The following WSCD1 variants were observed in gnomAD, a reference collection of about 807,000 sequenced individuals.
WSCD1 encodes sialate:O-sulfotransferase 1.
Under a neutral mutation model 60.4 loss-of-function variants are expected in WSCD1, and 41 were observed. The ratio of observed to expected loss-of-function variants is 0.68; its 90% CI spans 0.53 to 0.88. The LOEUF (loss-of-function observed/expected upper bound fraction) is 0.88. Ranked by LOEUF, WSCD1 falls within the 40% of genes least tolerant of loss-of-function variation. WSCD1 has a pLI of 0.00. For missense variants in WSCD1, 784 were observed against 796.2 expected (o/e 0.98, Z 0.18); for synonymous variants, 361 against 332.5 (o/e 1.09, Z -0.93).
At chr17:6,069,425 GT>G (rs1908385314), upstream of WSCD1, 93 of 232,460 alleles carry the variant, frequency 4.0e-4, no homozygotes, top group African/African-American at 3.2e-3. Flanking sequence ...GTGTGTGTGT[GT>G]GTGAGAGAGA....
chr17:6,116,991 C>G (rs1639957407), intron 7 of WSCD1, among the ~76,000 whole-genome samples: 1 of 152,218 alleles, frequency 6.6e-6, no homozygotes, highest in South Asian at 2.1e-4. Context: ...GATCCCTGCT[C>G]TTTGTTTCCA....
intron 5 of WSCD1, among the ~76,000 whole-genome samples, chr17:6,107,441 C>T (rs1013277098): frequency 1.3e-5 from 2 of 151,918 alleles, no homozygotes; most frequent in Non-Finnish European, 2.9e-5. Flanking sequence ...GCAGAGGTTG[C>T]AGTGAGCCAA....
At chr17:6,085,214 A>G (rs1909554850) in intron 2 of WSCD1, among the ~76,000 whole-genome samples, 1 of 152,210 alleles carries the variant, frequency 6.6e-6, no homozygotes, top group African/African-American at 2.4e-5. Context: ...TATTGTATAG[A>G]CATACATCTG....
At position 6,121,012 on chromosome 17, in the gene WSCD1, C is replaced by T. The variant is rs1268997633; in HGVS notation, c.*351C>T. The T allele has an allele frequency of 1.1e-5, 3 of 272,580 alleles. No homozygotes were observed. The highest frequency in any genetic ancestry group is 1.1e-3 in the Middle Eastern group (1 of 894). 16.9% of individuals were successfully genotyped at this position (272,580 alleles called of 1,614,324 possible). A position where few individuals can be genotyped will look rare whatever the true frequency, so the allele number is the denominator to read the frequency against. On this transcript the variant is annotated 3_prime_UTR_variant, in exon 9 of 9. Coordinates refer to ENST00000317744, the MANE Select transcript of WSCD1 (RefSeq NM_015253.2). Reference sequence around the variant, plus strand: ...CAGACGTAACACACAGGTGCCAGGCCGTGTGCTCCTGGAGGCTGGCTGGCT... The same window carrying T: ...CAGACGTAACACACAGGTGCCAGGCTGTGTGCTCCTGGAGGCTGGCTGGCT...
Position 6,103,877 on chromosome 17 carries a change from T to C in WSCD1, c.850-5730T>C, listed in dbSNP as rs139179563. Among the ~76,000 whole-genome samples the C allele has an allele frequency of 4.1e-3, 617 of 152,282 alleles. 6 individuals are homozygous for C. Among genetic ancestry groups the C allele is most frequent in the African/African-American group, 0.014 (593 of 41,564 alleles). The stretch of plus-strand genomic sequence containing the variant: ...TATTTCAATCCCCAGATCCACCATA[T>C]GGATGGAGGAACCAAGACTCAATTC... On this transcript the variant is annotated intron_variant, in intron 5 of 8. Transcript: ENST00000317744.
At position 6,120,721 on chromosome 17, in the gene WSCD1, T is replaced by C. The variant is rs1597373629; in HGVS notation, c.*60T>C. 1 of 1,524,906 alleles carries C rather than the reference T, an allele frequency of 6.6e-7. No individual in the cohort carries two copies. The highest frequency in any genetic ancestry group is 8.9e-7 in the Non-Finnish European group (1 of 1,127,170). The allele number at this position is 1,524,906 out of a possible 1,614,324, so 94.5% of individuals were successfully genotyped here. A position where few individuals can be genotyped will look rare whatever the true frequency, so the allele number is the denominator to read the frequency against. Reference sequence around the variant, plus strand: ...ACGCAATCGCACCACGGGGCTGCGCTCCCCACTCTGATGCTCAGGCCCGTG... The same window carrying C: ...ACGCAATCGCACCACGGGGCTGCGCCCCCCACTCTGATGCTCAGGCCCGTG... On this transcript the variant is annotated 3_prime_UTR_variant, in exon 9 of 9. Transcript: ENST00000317744.
Position 6,110,999 on chromosome 17 carries a change from G to T in WSCD1, c.1174+64G>T. 6.5e-7 allele frequency: 1 copy of T among 1,536,552 alleles called. No homozygotes were observed. Among genetic ancestry groups the T allele is most frequent in the Non-Finnish European group, 8.8e-7 (1 of 1,137,134 alleles). The stretch of plus-strand genomic sequence containing the variant: ...CGGTGACCAAACTGTCACCTTGCCA[G>T]CCAAGCTTCTCAGAGCACTAGAGCA... On this transcript the variant is annotated intron_variant, in intron 7 of 8. Transcript: ENST00000317744. The surrounding 1 kb of genome is among the most constrained non-coding windows in gnomAD (Gnocchi z 4.8).
At position 6,124,015 on chromosome 17, in the gene WSCD1, A is replaced by G. The variant is rs1458503626; in HGVS notation, c.*3354A>G. Reference sequence around the variant, plus strand: ...CCCCCATTTCTGTTTGGGAATTCATATGATCTGCCAGAGCCTCTCCAGGGG... The same window carrying G: ...CCCCCATTTCTGTTTGGGAATTCATGTGATCTGCCAGAGCCTCTCCAGGGG... On this transcript the variant is annotated 3_prime_UTR_variant, in exon 9 of 9. Transcript: ENST00000317744. 6.6e-6 allele frequency: 1 copy of G among 152,170 alleles called. No individual in the cohort carries two copies. Among genetic ancestry groups the G allele is most frequent in the African/African-American group, 2.4e-5 (1 of 41,426 alleles). 9.4% of individuals were successfully genotyped at this position (152,170 alleles called of 1,614,324 possible).
chr17:6,121,003 G>T lies in WSCD1; in HGVS notation c.*342G>T. 3.4e-6 allele frequency: 1 copy of T among 290,956 alleles called. No individual in the cohort carries two copies. Among genetic ancestry groups the T allele is most frequent in the Non-Finnish European group, 6.5e-6 (1 of 153,758 alleles). 18.0% of individuals were successfully genotyped at this position (290,956 alleles called of 1,614,324 possible). A position where few individuals can be genotyped will look rare whatever the true frequency, so the allele number is the denominator to read the frequency against. ...AGCCACGCACAGACGTAACACACAG[G>T]TGCCAGGCCGTGTGCTCCTGGAGGC... is the stretch of plus-strand genomic sequence containing the variant. On this transcript the variant is annotated 3_prime_UTR_variant, in exon 9 of 9. Coordinates refer to ENST00000317744, the MANE Select transcript of WSCD1 (RefSeq NM_015253.2).
intron 3 of WSCD1, among the ~76,000 whole-genome samples, chr17:6,088,332 G>T (rs1909795933): frequency 6.6e-6 from 1 of 151,630 alleles, no homozygotes; most frequent in Admixed American, 6.6e-5. Flanking sequence ...GACCGCCTGG[G>T]TGCTGGGAGT....
chr17:6,103,242 G>T (rs935647972), intron 5 of WSCD1, among the ~76,000 whole-genome samples: 2 of 152,196 alleles, frequency 1.3e-5, no homozygotes, highest in African/African-American at 4.8e-5. Flanking sequence ...TTTATGTTTT[G>T]GGGTGTGTCT....
chr17:6,112,514 G>A (rs1276998326), intron 7 of WSCD1, among the ~76,000 whole-genome samples: 1 of 152,166 alleles, frequency 6.6e-6, no homozygotes, highest in Non-Finnish European at 1.5e-5. Flanking sequence ...AAGTCCACTT[G>A]TCCCTGTTTG....
intron 7 of WSCD1, among the ~76,000 whole-genome samples, chr17:6,114,635 T>G (rs1911597271): frequency 6.6e-6 from 1 of 152,058 alleles, no homozygotes; most frequent in African/African-American, 2.4e-5. Flanking sequence ...TGTACACTTA[T>G]CATGCATCAG....
intron 1 of WSCD1, among the ~76,000 whole-genome samples, chr17:6,072,325 G>T (rs1908593187): frequency 6.6e-6 from 1 of 152,242 alleles, no homozygotes; most frequent in South Asian, 2.1e-4. Context: ...GATCAGTTTG[G>T]CCAGAGCACT....
At chr17:6,085,667 A>G (rs1188935771) in intron 2 of WSCD1, among the ~76,000 whole-genome samples, 3 of 152,036 alleles carry the variant, frequency 2.0e-5, no homozygotes, top group Non-Finnish European at 4.4e-5. Context: ...CACCTTGAAA[A>G]CCTTGTGGTT....
chr17:6,084,058 T>C (rs141658067), intron 2 of WSCD1, among the ~76,000 whole-genome samples: 12 of 152,270 alleles, frequency 7.9e-5, no homozygotes, highest in African/African-American at 2.6e-4. Flanking sequence ...TGGTAAATGG[T>C]TGCTGCCCTG....
Position 6,118,855 on chromosome 17 carries a change from T to C in WSCD1, c.1375+667T>C, listed in dbSNP as rs1904464668. ...ACCCAATGTCTTAGTCAGCTCTGGC[T>C]GCCATAACAAAATACCACAAAACTG... On this transcript the variant is annotated intron_variant, in intron 8 of 8. Coordinates refer to ENST00000317744, the MANE Select transcript of WSCD1 (RefSeq NM_015253.2). The surrounding 1 kb of genome is among the most constrained non-coding windows in gnomAD (Gnocchi z 5.8). Among the ~76,000 whole-genome samples, 1 of 152,212 alleles carries C rather than the reference T, an allele frequency of 6.6e-6. No homozygotes were observed. The highest frequency in any genetic ancestry group is 6.5e-5 in the Admixed American group (1 of 15,280).
In WSCD1 at chr17:6,081,054, C is replaced by T. The variant is rs775999396; in HGVS notation, c.396C>T (p.Pro132=). ...SDSQGPPALG[P]EAARPAIHSR... ...CCCAGGGACCGCCCGCCCTGGGCCC[C>T]GAGGCTGCCAGGCCCGCCATCCACA... The change falls in exon 2 of 9, where the codon CCC becomes CCT. Residue 132 remains proline, a synonymous_variant. Transcript: ENST00000317744. 8.4e-5 allele frequency: 129 copies of T among 1,540,286 alleles called. No individual in the cohort carries two copies. In the East Asian group the frequency reaches 8.8e-4, roughly 11 times the overall value.
At chr17:6,089,557 C>T (rs1396969737) in intron 3 of WSCD1, among the ~76,000 whole-genome samples, 1 of 152,166 alleles carries the variant, frequency 6.6e-6, no homozygotes, top group African/African-American at 2.4e-5. Flanking sequence ...AGATGTGACA[C>T]GTGGCAGGCA....
Sources: allele counts gnomAD v4.1 joint callset (sites outside exome capture counted in the v4.1 genomes callset), GRCh38; gene constraint gnomAD v4.1.1; non-coding constraint Gnocchi (gnomAD v3.1); transcripts MANE v1.5; gene names NCBI Gene and HGNC (gene_info 2026-07-23, HGNC 2026-07-21).